The following CNTNAP5 variants were observed in gnomAD, a reference collection of about 807,000 sequenced individuals.
CNTNAP5 encodes contactin associated protein family member 5.
Under a neutral mutation model 150.2 loss-of-function variants are expected in CNTNAP5, and 72 were observed. The ratio of observed to expected loss-of-function variants is 0.48; its 90% CI spans 0.40 to 0.58. The LOEUF is 0.58. CNTNAP5 is among the 20% of genes least tolerant of loss of function. The pLI, the probability that CNTNAP5 is intolerant of heterozygous loss-of-function variation, is 0.00. For missense variants in CNTNAP5, 1,636 were observed against 1,626.2 expected (o/e 1.01, Z -0.10); for synonymous variants, 672 against 619.8 (o/e 1.08, Z -1.25).
At chr2:124,436,300 G>A (rs1281107031) in intron 5 of CNTNAP5, among the ~76,000 whole-genome samples, 17 of 152,114 alleles carry the variant, frequency 1.1e-4, no homozygotes, top group Admixed American at 1.0e-3. Flanking sequence ...ATCTAATGTT[G>A]TAAACCAGAT....
At chr2:124,853,932 G>A (rs1036381261) in intron 19 of CNTNAP5, among the ~76,000 whole-genome samples, 12 of 152,140 alleles carry the variant, frequency 7.9e-5, no homozygotes, top group South Asian at 2.1e-4. Flanking sequence ...TCCTGCATTC[G>A]TTTGCTAGGG....
chr2:124,653,802 A>G (rs558706889), intron 13 of CNTNAP5, among the ~76,000 whole-genome samples: 1 of 152,106 alleles, frequency 6.6e-6, no homozygotes, highest in East Asian at 1.9e-4. Flanking sequence ...ATTTTTGAGT[A>G]TCTGTTTTGT....
At chr2:124,504,855 C>T (rs1388385238) in intron 8 of CNTNAP5, among the ~76,000 whole-genome samples, 1 of 151,828 alleles carries the variant, frequency 6.6e-6, no homozygotes, top group East Asian at 1.9e-4. Flanking sequence ...TACAGATGCA[C>T]ACCACCACAT....
intron 21 of CNTNAP5, among the ~76,000 whole-genome samples, chr2:124,883,447 G>T (rs1447330104): frequency 6.6e-6 from 1 of 152,030 alleles, no homozygotes; most frequent in African/African-American, 2.4e-5. Context: ...AGGGGCTTTG[G>T]TCATGTGTGT....
rs1285610618 is a variant in CNTNAP5 at position 124,360,317 on chromosome 2, T to A, written c.382-57126T>A. On this transcript the variant is annotated intron_variant, in intron 3 of 23. Coordinates refer to ENST00000682447, the MANE Select transcript of CNTNAP5 (RefSeq NM_001367498.1). The stretch of plus-strand genomic sequence containing the variant: ...CATTTAGTCCATTTACATTTAAAGT[T>A]AATATTGTTATGTGTGAATTTGATC... 2.7e-5 allele frequency among the ~76,000 whole-genome samples: 4 copies of A among 149,940 alleles called. No individual in the cohort carries two copies. The East Asian group carries it at 6.1e-4, about 23-fold the overall frequency.
At chr2:124,771,436 G>A (rs1681189730) in intron 16 of CNTNAP5, among the ~76,000 whole-genome samples, 1 of 152,126 alleles carries the variant, frequency 6.6e-6, no homozygotes, top group South Asian at 2.1e-4. Flanking sequence ...CCCTGCCTGT[G>A]GAGTCAGATT....
chr2:124,151,088 A>G (rs1018782420), intron 1 of CNTNAP5, among the ~76,000 whole-genome samples: 106 of 152,262 alleles, frequency 7.0e-4, no homozygotes, highest in African/African-American at 2.3e-3. Flanking sequence ...AAGACCTAAC[A>G]CGGTCTAGGA....
At chr2:124,250,172 A>G (rs894134909) in intron 3 of CNTNAP5, among the ~76,000 whole-genome samples, 10 of 152,200 alleles carry the variant, frequency 6.6e-5, no homozygotes, top group Admixed American at 5.2e-4. Context: ...AAAAACGAGC[A>G]TGCTTCAAAA....
At chr2:124,133,066 A>G (rs1683893392) in intron 1 of CNTNAP5, among the ~76,000 whole-genome samples, 1 of 152,222 alleles carries the variant, frequency 6.6e-6, no homozygotes, top group African/African-American at 2.4e-5. Context: ...GTTTACAAAG[A>G]TGGCATGTAA....
intron 3 of CNTNAP5, among the ~76,000 whole-genome samples, chr2:124,413,278 T>G (rs1249439869): frequency 1.3e-5 from 2 of 151,166 alleles, no homozygotes; most frequent in Non-Finnish European, 3.0e-5. Flanking sequence ...TTTACACTGT[T>G]GGTGGGACTG....
intron 1 of CNTNAP5, among the ~76,000 whole-genome samples, chr2:124,162,839 G>GC (rs1684717944): frequency 6.6e-6 from 1 of 152,034 alleles, no homozygotes; most frequent in Non-Finnish European, 1.5e-5. Flanking sequence ...TTCAAGGCAT[G>GC]TTTTTTATGC....
intron 1 of CNTNAP5, among the ~76,000 whole-genome samples, chr2:124,140,053 T>G (rs533949981): frequency 7.2e-4 from 109 of 152,056 alleles, no homozygotes; most frequent in African/African-American, 2.5e-3. Context: ...ATCGGGTCAC[T>G]CCCACCCGAA....
intron 1 of CNTNAP5, among the ~76,000 whole-genome samples, chr2:124,057,813 G>A (rs1426766711): frequency 2.0e-5 from 3 of 151,864 alleles, no homozygotes; most frequent in African/African-American, 7.3e-5. Context: ...TGATTAATGG[G>A]TACAAAAAGT....
chr2:124,383,056 C>T (rs181763695), intron 3 of CNTNAP5, among the ~76,000 whole-genome samples: 16 of 152,292 alleles, frequency 1.1e-4, no homozygotes, highest in Non-Finnish European at 1.5e-4. Context: ...TCTGCATATA[C>T]ACCTTCAGTT....
At chr2:124,263,434 G>A (rs181949166) in intron 3 of CNTNAP5, among the ~76,000 whole-genome samples, 4 of 152,306 alleles carry the variant, frequency 2.6e-5, no homozygotes, top group Admixed American at 2.6e-4. Flanking sequence ...TCTTTTGGCT[G>A]CATAAAGACG....
At chr2:124,549,747 G>A (rs145003467) in intron 10 of CNTNAP5, among the ~76,000 whole-genome samples, 5 of 152,272 alleles carry the variant, frequency 3.3e-5, no homozygotes, top group South Asian at 4.1e-4. Context: ...TTTGAGAATC[G>A]TTTGCATTTC....
intron 19 of CNTNAP5, among the ~76,000 whole-genome samples, chr2:124,821,717 C>G (rs1682495820): frequency 6.6e-6 from 1 of 152,158 alleles, no homozygotes; most frequent in Admixed American, 6.5e-5. Flanking sequence ...ACAGTAGTAG[C>G]TCTCCAAGTG....
chr2:124,255,589 ATT>A (rs1258593534), intron 3 of CNTNAP5, among the ~76,000 whole-genome samples: 19 of 71,350 alleles, frequency 2.7e-4, no homozygotes, highest in South Asian at 1.6e-3. Flanking sequence ...TAAAATAATA[ATT>A]TTTTTTTAAA....
At chr2:124,564,679 G>C (rs10211661) in intron 11 of CNTNAP5, among the ~76,000 whole-genome samples, 2,483 of 152,188 alleles carry the variant, frequency 0.016, 66 homozygotes, top group African/African-American at 0.056. Context: ...TAATTGTATA[G>C]TCTTATTGAG....
Sources: allele counts gnomAD v4.1 joint callset (sites outside exome capture counted in the v4.1 genomes callset), GRCh38; gene constraint gnomAD v4.1.1; transcripts MANE v1.5; gene names NCBI Gene and HGNC (gene_info 2026-07-23, HGNC 2026-07-21).